The following PTPRT variants were observed in gnomAD, a reference collection of about 807,000 sequenced individuals.
PTPRT encodes the protein protein tyrosine phosphatase receptor type T, also known as receptor-type tyrosine-protein phosphatase T.
Under a neutral mutation model 176.8 loss-of-function variants are expected in PTPRT, and 56 were observed. The observed-to-expected ratio is 0.32, with a 90% CI of 0.26 to 0.40. The LOEUF (loss-of-function observed/expected upper bound fraction) is 0.40, where lower values mean the gene tolerates loss of function less well. Among genes scored for constraint, PTPRT ranks in the 10% least tolerant of loss-of-function variants. PTPRT has a pLI of 1.00. For synonymous variants in PTPRT, 783 were observed against 739.0 expected, an observed-to-expected ratio of 1.06 and a Z score of -0.96; for missense variants, 1,540 against 1,908.2, an observed-to-expected ratio of 0.81 and a Z score of 3.60.
chr20:42,697,510 A>G (rs1197825099), intron 6 of PTPRT, among the ~76,000 whole-genome samples: 2 of 152,210 alleles, frequency 1.3e-5, no homozygotes, highest in Non-Finnish European at 2.9e-5. Flanking sequence ...TCAGTAAGAT[A>G]TGGATGGATG....
chr20:42,607,575 T>C (rs746740482), intron 7 of PTPRT: 16 of 152,488 alleles, frequency 1.0e-4, no homozygotes, highest in Non-Finnish European at 1.0e-4. Flanking sequence ...TGATTCCTTA[T>C]CACTCATCAG....
intron 3 of PTPRT, among the ~76,000 whole-genome samples, chr20:42,787,781 C>T (rs77625374): frequency 0.078 from 11,917 of 152,286 alleles, 1,562 homozygotes; most frequent in African/African-American, 0.27. Flanking sequence ...AACCTGAACA[C>T]AGCCGAATGG....
intron 1 of PTPRT, among the ~76,000 whole-genome samples, chr20:42,919,888 A>T (rs943748215): frequency 1.3e-5 from 2 of 152,232 alleles, no homozygotes; most frequent in African/African-American, 4.8e-5. Flanking sequence ...CATGGGTGCC[A>T]TAAGAGATTT....
intron 11 of PTPRT, among the ~76,000 whole-genome samples, chr20:42,340,790 G>A (rs983740142): frequency 4.0e-5 from 6 of 151,668 alleles, no homozygotes; most frequent in African/African-American, 1.2e-4. Flanking sequence ...ACAAAGCAGC[G>A]ATGCAAACTC....
chr20:42,698,993 C>T (rs1031895531), intron 6 of PTPRT, among the ~76,000 whole-genome samples: 1 of 152,130 alleles, frequency 6.6e-6, no homozygotes, highest in Admixed American at 6.5e-5. Context: ...CAACTAACAA[C>T]GATGTAGTAA....
At chr20:42,751,996 C>T (rs2076776745) in intron 6 of PTPRT, among the ~76,000 whole-genome samples, 1 of 152,124 alleles carries the variant, frequency 6.6e-6, no homozygotes, top group Non-Finnish European at 1.5e-5. Flanking sequence ...TAATAAAAGA[C>T]CCCATGACCC....
At chr20:42,626,525 C>A (rs2074291717) in intron 7 of PTPRT, among the ~76,000 whole-genome samples, 1 of 152,190 alleles carries the variant, frequency 6.6e-6, no homozygotes. Context: ...CTACTAAATG[C>A]AGCAAGCTAC....
rs140711856 is a variant in PTPRT at position 43,101,300 on chromosome 20, T to C, written c.88+88346A>G. Among the ~76,000 whole-genome samples, 18 of 152,194 alleles carry C rather than the reference T, an allele frequency of 1.2e-4. No individual in the cohort carries two copies. The East Asian group carries it at 3.3e-3, about 28-fold the overall frequency. On this transcript the variant is annotated intron_variant, in intron 1 of 30. Coordinates refer to ENST00000373187, the MANE Select transcript of PTPRT (RefSeq NM_007050.6). ...AGACTCTTTGCAATGAAAACCACAA[T>C]AGCAAGCTCTTGATCACTTTTAGCT...
At chr20:42,118,929 C>T (rs759766490) in intron 20 of PTPRT, among the ~76,000 whole-genome samples, 14 of 145,806 alleles carry the variant, frequency 9.6e-5, no homozygotes, top group South Asian at 4.4e-4. Flanking sequence ...GGGTGCCAGA[C>T]GCTGAGAACA....
At chr20:43,086,621 A>G (rs936952506) in intron 1 of PTPRT, among the ~76,000 whole-genome samples, 4 of 152,234 alleles carry the variant, frequency 2.6e-5, no homozygotes, top group African/African-American at 9.6e-5. Flanking sequence ...AAACTAACAA[A>G]GTACATTCAA....
At chr20:42,800,660 T>C (rs1485129797) in intron 2 of PTPRT, among the ~76,000 whole-genome samples, 3 of 152,198 alleles carry the variant, frequency 2.0e-5, no homozygotes, top group Non-Finnish European at 4.4e-5. Flanking sequence ...TTCAACTGTG[T>C]CTTATATATA....
chr20:42,074,286 A>C lies in PTPRT; in HGVS notation c.*6593T>G. 1 of 230,144 alleles carries C rather than the reference A, an allele frequency of 4.3e-6. No homozygotes were observed. The highest frequency in any genetic ancestry group is 8.6e-6 in the Non-Finnish European group (1 of 116,082). 14.3% of individuals were successfully genotyped at this position (230,144 alleles called of 1,614,324 possible). ...AGAGAAGGCCCACTGATTTGTATTC[A>C]TAAGCCCAAAGGCACTGAAGTAATT... is the stretch of plus-strand genomic sequence containing the variant. On this transcript the variant is annotated 3_prime_UTR_variant, in exon 31 of 31. Coordinates refer to ENST00000373187, the MANE Select transcript of PTPRT (RefSeq NM_007050.6).
chr20:42,812,731 A>G (rs6030487), intron 2 of PTPRT, among the ~76,000 whole-genome samples: 3,727 of 152,246 alleles, frequency 0.024, 143 homozygotes, highest in African/African-American at 0.08. Flanking sequence ...ACGTAACTAT[A>G]TCTTAATTTC....
At chr20:43,025,859 T>C (rs2146186875) in intron 1 of PTPRT, among the ~76,000 whole-genome samples, 1 of 152,232 alleles carries the variant, frequency 6.6e-6, no homozygotes, top group Middle Eastern at 3.4e-3. Context: ...ATCTCAGACT[T>C]GTCACCTCTC....
intron 2 of PTPRT, among the ~76,000 whole-genome samples, chr20:42,814,272 G>C (rs1392890870): frequency 6.6e-6 from 1 of 151,730 alleles, no homozygotes; most frequent in Admixed American, 6.6e-5. Flanking sequence ...TTCTTTTCTT[G>C]TATTCTTGTT....
Position 42,614,277 on chromosome 20 carries a change from A to AC in PTPRT, c.1153+63588dup, listed in dbSNP as rs540701896. On this transcript the variant is annotated intron_variant, in intron 7 of 30. Transcript: ENST00000373187. ...GACACCTGTCACAATGGATTTGAAC[A>AC]CCCCCAACACACACACCTAATGACC... 3.9e-3 allele frequency among the ~76,000 whole-genome samples: 593 copies of AC among 151,966 alleles called. 3 individuals carry two copies. Among genetic ancestry groups the AC allele is most frequent in the Middle Eastern group, 0.02 (6 of 294 alleles).
the PTPRT span, among the ~76,000 whole-genome samples, chr20:42,046,664 C>A: frequency 6.6e-6 from 1 of 152,196 alleles, no homozygotes; most frequent in African/African-American, 2.4e-5. Context: ...CTCTATCAAT[C>A]TTCCAGTGCA....
At chr20:42,235,794 C>T (rs535567362) in intron 15 of PTPRT, among the ~76,000 whole-genome samples, 43 of 152,290 alleles carry the variant, frequency 2.8e-4, no homozygotes, top group African/African-American at 9.9e-4. Context: ...ATAGCATAAA[C>T]AGCCAATGAA....
chr20:42,319,380 C>T (rs1416261397), intron 11 of PTPRT, among the ~76,000 whole-genome samples: 1 of 151,616 alleles, frequency 6.6e-6, no homozygotes, highest in Non-Finnish European at 1.5e-5. Context: ...TCCCAACCAA[C>T]TCCATATGAA....
Sources: gnomAD v4.1 joint callset for allele counts (sites outside exome capture counted in the v4.1 genomes callset) on GRCh38, gnomAD v4.1.1 for gene constraint, MANE v1.5 for transcripts, NCBI Gene and HGNC (gene_info 2026-07-23, HGNC 2026-07-21) for gene names.